The following PAX5 variants were observed in gnomAD, a reference collection of about 807,000 sequenced individuals.
The protein encoded by PAX5 is paired box protein Pax-5.
A neutral mutation model predicts 43.7 loss-of-function variants in PAX5; 9 were observed. That is an observed-to-expected ratio of 0.21 (90% CI 0.12 to 0.36). PAX5 has a LOEUF of 0.36. PAX5 is among the 10% of genes least tolerant of loss of function. The pLI is 1.00. For synonymous variants in PAX5, 228 were observed against 214.3 expected (o/e 1.06, Z -0.56); for missense variants, 383 against 532.7 (o/e 0.72, Z 2.77).
chr9:36,941,885 G>A (rs1243612024), intron 6 of PAX5, among the ~76,000 whole-genome samples: 1 of 152,182 alleles, frequency 6.6e-6, no homozygotes, highest in Admixed American at 6.5e-5. Flanking sequence ...GGTGCATAGG[G>A]CATCTCCCAA....
At chr9:36,848,760 C>T (rs1397838343) in intron 8 of PAX5, among the ~76,000 whole-genome samples, 2 of 152,196 alleles carry the variant, frequency 1.3e-5, no homozygotes, top group Admixed American at 1.3e-4. Flanking sequence ...TGCTGCCTGG[C>T]CCAGCTTCAA....
intron 6 of PAX5, among the ~76,000 whole-genome samples, chr9:36,927,096 A>T (rs1830707542): frequency 6.6e-6 from 1 of 152,184 alleles, no homozygotes; most frequent in Non-Finnish European, 1.5e-5. Flanking sequence ...TAAAGGGGAA[A>T]GATGGAATGG....
At chr9:36,909,814 A>ATTTTTTTTTTTT (rs752114508) in intron 7 of PAX5, among the ~76,000 whole-genome samples, 9 of 91,884 alleles carry the variant, frequency 9.8e-5, no homozygotes, top group East Asian at 3.8e-4. Context: ...AGACATTTTA[A>ATTTTTTTTTTTT]TTTTTTTTTT....
rs1407263786 is a variant in PAX5 at position 36,882,588 on chromosome 9, C to A, written c.911-483G>T. Among the ~76,000 whole-genome samples the A allele has an allele frequency of 1.3e-5, 2 of 152,242 alleles. No homozygotes were observed. The highest frequency in any genetic ancestry group is 4.8e-5 in the African/African-American group (2 of 41,462). On this transcript the variant is annotated intron_variant, in intron 7 of 9. Coordinates refer to ENST00000358127, the MANE Select transcript of PAX5 (RefSeq NM_016734.3). This position sits in a 1 kb window ranked among gnomAD's most constrained non-coding sequence, Gnocchi z 4.4. The stretch of plus-strand genomic sequence containing the variant: ...AAAGACCAGCTCAAATGCCTCCCTT[C>A]TCCTCTCCTCAACAGCCCCCCACAG...
chr9:36,917,817 C>T (rs191804338), intron 7 of PAX5, among the ~76,000 whole-genome samples: 121 of 152,350 alleles, frequency 7.9e-4, no homozygotes, highest in Admixed American at 5.5e-3. Flanking sequence ...CAACAGCATG[C>T]GCTCCCTTCC....
At chr9:36,966,058 T>G (rs888124982) in intron 6 of PAX5, among the ~76,000 whole-genome samples, 2 of 152,222 alleles carry the variant, frequency 1.3e-5, no homozygotes, top group African/African-American at 2.4e-5. Context: ...TCCAGAATTT[T>G]GGATTCAGTC....
At chr9:36,890,962 A>G (rs1827329679) in intron 7 of PAX5, among the ~76,000 whole-genome samples, 1 of 152,182 alleles carries the variant, frequency 6.6e-6, no homozygotes, top group African/African-American at 2.4e-5. Flanking sequence ...AACATGGCGA[A>G]ACCCCATCTC....
chr9:36,990,044 G>A (rs1041866241), intron 5 of PAX5, among the ~76,000 whole-genome samples: 1 of 152,152 alleles, frequency 6.6e-6, no homozygotes, highest in Non-Finnish European at 1.5e-5. Context: ...CCCTCACTTA[G>A]GAAGTGACAC....
chr9:36,873,544 G>T (rs963239228), intron 8 of PAX5, among the ~76,000 whole-genome samples: 8 of 152,228 alleles, frequency 5.3e-5, no homozygotes, highest in Admixed American at 5.2e-4. Flanking sequence ...AAGGGGTGGC[G>T]TGCCCAGGCC....
chr9:37,023,744 T>C (rs1485488775), intron 1 of PAX5, among the ~76,000 whole-genome samples: 1 of 152,056 alleles, frequency 6.6e-6, no homozygotes, highest in African/African-American at 2.4e-5. Context: ...AGCCACAGAT[T>C]GAGCTCCAGG....
At chr9:36,980,657 C>A (rs1427407182) in intron 5 of PAX5, among the ~76,000 whole-genome samples, 1 of 152,050 alleles carries the variant, frequency 6.6e-6, no homozygotes, top group African/African-American at 2.4e-5. Flanking sequence ...AGTGTAGAGA[C>A]CCTGTTGGAG....
intron 6 of PAX5, among the ~76,000 whole-genome samples, chr9:36,940,012 G>A (rs928477061): frequency 6.6e-6 from 1 of 152,222 alleles, no homozygotes; most frequent in Admixed American, 6.5e-5. Context: ...CTGGAAGGCT[G>A]CAAATCCTGC....
chr9:36,848,529 G>GCC (rs1563886764), intron 8 of PAX5, among the ~76,000 whole-genome samples: 1 of 152,138 alleles, frequency 6.6e-6, no homozygotes, highest in Non-Finnish European at 1.5e-5. Flanking sequence ...GGCTGCAGCC[G>GCC]CCCGGCTCCG....
At chr9:36,914,981 GT>G (rs1347067972) in intron 7 of PAX5, among the ~76,000 whole-genome samples, 1 of 152,186 alleles carries the variant, frequency 6.6e-6, no homozygotes, top group Non-Finnish European at 1.5e-5. Flanking sequence ...GGTACAGATA[GT>G]TCTATTTAAT....
chr9:36,960,280 G>T (rs1209154438), intron 6 of PAX5, among the ~76,000 whole-genome samples: 3 of 152,140 alleles, frequency 2.0e-5, no homozygotes, highest in East Asian at 1.9e-4. Flanking sequence ...CACGAAACAC[G>T]CTCAGAGCCT....
At chr9:36,969,808 T>C (rs911708932) in intron 5 of PAX5, among the ~76,000 whole-genome samples, 1 of 152,194 alleles carries the variant, frequency 6.6e-6, no homozygotes, top group Non-Finnish European at 1.5e-5. Flanking sequence ...TCTCCGGGCA[T>C]TCACCCTGTC....
At chr9:36,951,586 A>G (rs1833015189) in intron 6 of PAX5, among the ~76,000 whole-genome samples, 3 of 152,326 alleles carry the variant, frequency 2.0e-5, no homozygotes, top group Admixed American at 2.0e-4. Context: ...AGTCCTTGCA[A>G]ACTTTCAGTA....
At chr9:36,849,167 C>T (rs1239216515) in intron 8 of PAX5, among the ~76,000 whole-genome samples, 1 of 152,258 alleles carries the variant, frequency 6.6e-6, no homozygotes, top group African/African-American at 2.4e-5. Context: ...TTCCTCTCTG[C>T]ACCTGTGTGC....
intron 7 of PAX5, chr9:36,923,101 C>G: frequency 2.3e-6 from 1 of 437,722 alleles, no homozygotes; most frequent in Non-Finnish European, 4.0e-6. Context: ...TTCCTGCCCC[C>G]TACCCCAAGT....
Sources: allele counts gnomAD v4.1 joint callset (sites outside exome capture counted in the v4.1 genomes callset), GRCh38; gene constraint gnomAD v4.1.1; non-coding constraint Gnocchi (gnomAD v3.1); transcripts MANE v1.5; gene names NCBI Gene and HGNC (gene_info 2026-07-23, HGNC 2026-07-21).